Variants in KAT6B observed in about 807,000 individuals in gnomAD.
KAT6B encodes histone acetyltransferase KAT6B.
Under a neutral mutation model 187.5 loss-of-function variants are expected in KAT6B, and 10 were observed. The observed-to-expected ratio is 0.05, with a 90% CI of 0.03 to 0.09. The LOEUF (loss-of-function observed/expected upper bound fraction) is 0.09, where lower values mean the gene tolerates loss of function less well. KAT6B is among the 10% of genes least tolerant of loss of function. KAT6B has a pLI of 1.00. For synonymous variants in KAT6B, 861 were observed against 926.8 expected (o/e 0.93, Z 1.29); for missense variants, 1,952 against 2,558.9 (o/e 0.76, Z 5.12).
At chr10:74,977,799 A>G (rs1842257861) in intron 9 of KAT6B, among the ~76,000 whole-genome samples, 1 of 152,236 alleles carries the variant, frequency 6.6e-6, no homozygotes, top group Non-Finnish European at 1.5e-5. Flanking sequence ...TCACTGTTAA[A>G]TTCACCGATG....
chr10:74,936,498 T>G (rs556782656), intron 3 of KAT6B, among the ~76,000 whole-genome samples: 1 of 152,340 alleles, frequency 6.6e-6, no homozygotes, highest in Non-Finnish European at 1.5e-5. Flanking sequence ...CAGGTTTATG[T>G]TGATTATTTA....
intron 2 of KAT6B, among the ~76,000 whole-genome samples, chr10:74,841,180 T>C (rs534069346): frequency 1.3e-5 from 2 of 152,202 alleles, no homozygotes; most frequent in Non-Finnish European, 2.9e-5. Context: ...GACATTGTGG[T>C]AGGGCTGGGG....
chr10:74,854,273 T>C (rs2132210885), intron 3 of KAT6B, among the ~76,000 whole-genome samples: 1 of 152,264 alleles, frequency 6.6e-6, no homozygotes, highest in East Asian at 1.9e-4. Flanking sequence ...TGTCTTCAGG[T>C]GGTGATGGAA....
intron 16 of KAT6B, among the ~76,000 whole-genome samples, chr10:75,022,718 G>T (rs935930227): frequency 6.6e-6 from 1 of 152,168 alleles, no homozygotes; most frequent in South Asian, 2.1e-4. Flanking sequence ...ATCACCTGAG[G>T]TCAGGAGTTC....
At chr10:74,925,132 C>G (rs573459743) in intron 3 of KAT6B, among the ~76,000 whole-genome samples, 1 of 152,112 alleles carries the variant, frequency 6.6e-6, no homozygotes, top group Non-Finnish European at 1.5e-5. Flanking sequence ...CTCTGCCTCC[C>G]GGGTTCAAGC....
At position 74,842,500 on chromosome 10, in the gene KAT6B, G is replaced by A. The variant is rs1397097750; in HGVS notation, c.-258-100G>A. 1.8e-4 allele frequency: 94 copies of A among 513,002 alleles called. No homozygotes were observed. The Middle Eastern group carries it at 3.5e-3, about 19-fold the overall frequency. 31.8% of individuals were successfully genotyped at this position (513,002 alleles called of 1,614,324 possible). ...TAATACCTGCCTGTCATTACTTCTT[G>A]TGGTCATTCTGTGTCTGAAAAAGTC... On this transcript the variant is annotated intron_variant, in intron 2 of 17. Coordinates refer to ENST00000287239, the MANE Select transcript of KAT6B (RefSeq NM_012330.4).
chr10:74,893,462 T>G lies in KAT6B; in HGVS notation c.621+49984T>G, dbSNP rs561865475. Among the ~76,000 whole-genome samples the G allele has an allele frequency of 1.0e-3, 152 of 152,220 alleles. No individual in the cohort carries two copies. The Middle Eastern group carries it at 0.01, about 10-fold the overall frequency. On this transcript the variant is annotated intron_variant, in intron 3 of 17. Transcript: ENST00000287239. ...CACTGTCTAGAAATCAGTGGGTTTT[T>G]TTTTTTGTTTTTTGTTTTTTTTTAA...
At chr10:74,897,427 C>T (rs1414945867) in intron 3 of KAT6B, among the ~76,000 whole-genome samples, 1 of 152,184 alleles carries the variant, frequency 6.6e-6, no homozygotes, top group African/African-American at 2.4e-5. Context: ...GGACCTAGAG[C>T]GGTGGCAAAA....
At position 75,021,166 on chromosome 10, in the gene KAT6B, A is replaced by G; in HGVS notation, c.2902A>G (p.Met968Val). 1.2e-6 allele frequency: 2 copies of G among 1,614,110 alleles called. No homozygotes were observed. Among genetic ancestry groups the G allele is most frequent in the Non-Finnish European group, 1.7e-6 (2 of 1,179,948 alleles). ...IRREKLILSHMEKLKTCSRAN... is the reference protein window; with the variant it reads ...IRREKLILSHVEKLKTCSRAN... ...ACGGGAAAAGTTGATATTGAGCCAC[A>G]TGGAAAAGCTGAAAACCTGTTCCAG... is the stretch of plus-strand genomic sequence containing the variant. Residue 968 changes from methionine to valine, a missense_variant, in exon 15 of 18, where the codon ATG becomes GTG. Transcript: ENST00000287239.
intron 3 of KAT6B, among the ~76,000 whole-genome samples, chr10:74,859,759 C>T (rs1449188563): frequency 6.6e-6 from 1 of 152,126 alleles, no homozygotes; most frequent in East Asian, 1.9e-4. Flanking sequence ...ACTCATTTTC[C>T]ACCAGCTACA....
chr10:74,841,775 A>G (rs376141467), intron 2 of KAT6B, among the ~76,000 whole-genome samples: 4 of 152,210 alleles, frequency 2.6e-5, no homozygotes, highest in African/African-American at 9.6e-5. Context: ...CACCAAGATT[A>G]GAGCTCAGGT....
chr10:74,882,660 G>C (rs1425485279), intron 3 of KAT6B, among the ~76,000 whole-genome samples: 1 of 152,224 alleles, frequency 6.6e-6, no homozygotes, highest in Non-Finnish European at 1.5e-5. Flanking sequence ...GCTGTAGCCA[G>C]CATGGCTGGA....
chr10:74,874,676 C>T (rs1844272330), intron 3 of KAT6B, among the ~76,000 whole-genome samples: 1 of 152,098 alleles, frequency 6.6e-6, no homozygotes, highest in South Asian at 2.1e-4. Context: ...CCACCATGCC[C>T]AGCCTTTCTT....
intron 13 of KAT6B, among the ~76,000 whole-genome samples, chr10:74,998,858 G>A (rs988865030): frequency 6.6e-6 from 1 of 152,156 alleles, no homozygotes; most frequent in African/African-American, 2.4e-5. Context: ...ATCCCAGGAG[G>A]TCAAGGCTTC....
At chr10:74,975,089 T>C (rs1277962832) in intron 7 of KAT6B, among the ~76,000 whole-genome samples, 1 of 152,222 alleles carries the variant, frequency 6.6e-6, no homozygotes, top group Non-Finnish European at 1.5e-5. Flanking sequence ...GGATAGCTTG[T>C]TTTTATTTAA....
chr10:74,855,860 T>C (rs1331131663), intron 3 of KAT6B, among the ~76,000 whole-genome samples: 1 of 152,272 alleles, frequency 6.6e-6, no homozygotes, highest in East Asian at 1.9e-4. Context: ...TATATGTATA[T>C]GTTTTTATAC....
At chr10:74,843,624 ATG>A in intron 3 of KAT6B, 146 bp downstream of exon 3, 1 of 998,728 alleles carries the variant, frequency 1.0e-6, no homozygotes, top group Non-Finnish European at 1.5e-6. Flanking sequence ...GTATTTTAAA[ATG>A]TATATATTGT....
chr10:74,882,647 G>C (rs1844934642), intron 3 of KAT6B, among the ~76,000 whole-genome samples: 1 of 152,254 alleles, frequency 6.6e-6, no homozygotes, highest in Non-Finnish European at 1.5e-5. Flanking sequence ...TGTCAATAGA[G>C]ATGCTGTAGC....
chr10:74,945,254 G>T lies in KAT6B; in HGVS notation c.622-14716G>T, dbSNP rs138033209. ...AATCTCAAAAATATGTCAAGTGTAA[G>T]GTTAAGTCATAAAAGAGTACGGATT... On this transcript the variant is annotated intron_variant, in intron 3 of 17. Transcript: ENST00000287239. 3.3e-5 allele frequency among the ~76,000 whole-genome samples: 5 copies of T among 152,332 alleles called. No individual in the cohort carries two copies. The South Asian group carries it at 8.3e-4, about 25-fold the overall frequency.
Sources: allele counts gnomAD v4.1 joint callset (sites outside exome capture counted in the v4.1 genomes callset), GRCh38; gene constraint gnomAD v4.1.1; transcripts MANE v1.5; gene names NCBI Gene and HGNC (gene_info 2026-07-23, HGNC 2026-07-21).